TMEM170A: variants seen among roughly 807,000 people sequenced by gnomAD.
TMEM170A encodes transmembrane protein 170.
Under a neutral mutation model 12.8 loss-of-function variants are expected in TMEM170A, and 18 were observed. The observed-to-expected ratio is 1.41, with a 90% CI of 0.97 to 2.09. TMEM170A has a LOEUF of 2.09. TMEM170A is among the 30% of genes most tolerant of loss of function. TMEM170A has a pLI of 0.00. For synonymous variants in TMEM170A, 107 were observed against 76.2 expected, an observed-to-expected ratio of 1.40 and a Z score of -2.11; for missense variants, 220 against 179.9, an observed-to-expected ratio of 1.22 and a Z score of -1.28.
intron 1 of TMEM170A, among the ~76,000 whole-genome samples, chr16:75,454,612 GA>G: frequency 6.6e-6 from 1 of 152,224 alleles, no homozygotes; most frequent in South Asian, 2.1e-4. Context: ...TCCAGCCTGG[GA>G]GACAGAATGA....
intron 1 of TMEM170A, 111 bp from the exon 2 acceptor site, chr16:75,451,950 CT>C (rs533516780): frequency 3.5e-5 from 36 of 1,025,904 alleles, no homozygotes; most frequent in South Asian, 5.5e-5. Flanking sequence ...TTCTTTTTTC[CT>C]TTTTTTTGAA....
chr16:75,452,912 A>G (rs1401105897), intron 1 of TMEM170A, among the ~76,000 whole-genome samples: 1 of 152,118 alleles, frequency 6.6e-6, no homozygotes, highest in Admixed American at 6.6e-5. Flanking sequence ...AACCATTTAC[A>G]AGAGTTTTGC....
At position 75,445,264 on chromosome 16, in the gene TMEM170A, T is replaced by G. The variant is rs1463516360; in HGVS notation, c.*2294A>C. The G allele has an allele frequency of 6.6e-6, 1 of 152,236 alleles. No homozygotes were observed. The highest frequency in any genetic ancestry group is 1.5e-5 in the Non-Finnish European group (1 of 68,038). 9.4% of individuals were successfully genotyped at this position (152,236 alleles called of 1,614,324 possible). ...TGCATTACAACTCTACTTATAAGTT[T>G]CTGCCCGTGTATATGTCACTATAGT... On this transcript the variant is annotated 3_prime_UTR_variant, in exon 3 of 3. Coordinates refer to ENST00000561878, the MANE Select transcript of TMEM170A (RefSeq NM_145254.3).
intron 2 of TMEM170A, among the ~76,000 whole-genome samples, chr16:75,449,535 T>C (rs2079645468): frequency 6.6e-6 from 1 of 152,122 alleles, no homozygotes; most frequent in East Asian, 1.9e-4. Context: ...CCAAGGCTGG[T>C]TTTGAACTCT....
At chr16:75,449,448 G>A (rs756763552) in intron 2 of TMEM170A, among the ~76,000 whole-genome samples, 91 of 151,828 alleles carry the variant, frequency 6.0e-4, no homozygotes, top group Non-Finnish European at 1.2e-3. Flanking sequence ...CCGAGCAGCT[G>A]GGACTACAGG....
chr16:75,461,908 G>C (rs2079915602), intron 1 of TMEM170A, among the ~76,000 whole-genome samples: 1 of 152,188 alleles, frequency 6.6e-6, no homozygotes, highest in East Asian at 1.9e-4. Context: ...CATGGCTACA[G>C]ATTACCTACT....
At chr16:75,461,501 T>A (rs996207861) in intron 1 of TMEM170A, among the ~76,000 whole-genome samples, 1 of 152,176 alleles carries the variant, frequency 6.6e-6, no homozygotes, top group East Asian at 1.9e-4. Context: ...CCATAATGAG[T>A]TGGCATACAC....
chr16:75,456,095 G>T (rs868789984), intron 1 of TMEM170A, among the ~76,000 whole-genome samples: 12 of 152,158 alleles, frequency 7.9e-5, no homozygotes, highest in African/African-American at 2.7e-4. Flanking sequence ...GGAGATAGGG[G>T]TGGAGCCAAA....
chr16:75,460,368 G>C lies in TMEM170A; in HGVS notation c.133+4100C>G, dbSNP rs188242103. On this transcript the variant is annotated intron_variant, in intron 1 of 2. Transcript: ENST00000561878. ...TCCCATCTCTGTTCAAAATTCCCCAGTAGAGCCCTCCAGGATCTACCCTCC... is the reference window on the plus strand; with the variant it reads ...TCCCATCTCTGTTCAAAATTCCCCACTAGAGCCCTCCAGGATCTACCCTCC... Among the ~76,000 whole-genome samples the C allele has an allele frequency of 1.9e-4, 29 of 152,124 alleles. 1 individual carries two copies. In the South Asian group the frequency reaches 4.4e-3, roughly 23 times the overall value.
chr16:75,447,814 T>C lies in TMEM170A; in HGVS notation c.305-126A>G, dbSNP rs899640968. ...AGATTTTATACTGAAATTTAAATCT[T>C]ACAGAAATGTTAGGTTTTCCCTATT... On this transcript the variant is annotated intron_variant, in intron 2 of 2. Transcript: ENST00000561878. 92 of 1,137,166 alleles carry C rather than the reference T, an allele frequency of 8.1e-5. 1 individual carries two copies. In the African/African-American group the frequency reaches 1.1e-3, roughly 14 times the overall value. 70.4% of individuals were successfully genotyped at this position (1,137,166 alleles called of 1,614,324 possible).
chr16:75,458,394 C>G (rs1369970517), intron 1 of TMEM170A: 2 of 152,216 alleles, frequency 1.3e-5, no homozygotes, highest in Admixed American at 1.3e-4. Context: ...AAGTAAGGAT[C>G]TTCCAAAAGG....
At chr16:75,457,338 T>G (rs189949238) in intron 1 of TMEM170A, among the ~76,000 whole-genome samples, 18 of 152,322 alleles carry the variant, frequency 1.2e-4, no homozygotes, top group Non-Finnish European at 2.5e-4. Context: ...AGGTATGCCA[T>G]CCAAGTGCTA....
At chr16:75,451,174 ACT>A (rs2079674368) in intron 2 of TMEM170A, among the ~76,000 whole-genome samples, 1 of 152,152 alleles carries the variant, frequency 6.6e-6, no homozygotes, top group South Asian at 2.1e-4. Flanking sequence ...CCCTGAAGCC[ACT>A]GAGATGAAAT....
At chr16:75,455,549 G>T (rs2151639590) in intron 1 of TMEM170A, among the ~76,000 whole-genome samples, 1 of 152,150 alleles carries the variant, frequency 6.6e-6, no homozygotes, top group African/African-American at 2.4e-5. Context: ...TTATTAGATA[G>T]GCCAGGCATG....
In TMEM170A at chr16:75,464,479, C is replaced by A; in HGVS notation, c.122G>T (p.Cys41Phe). The A allele has an allele frequency of 6.5e-7, 1 of 1,549,072 alleles. No individual in the cohort carries two copies. Among genetic ancestry groups the A allele is most frequent in the South Asian group, 1.2e-5 (1 of 84,516 alleles). ...GGGGCGGGCCGTACCTGGGAAGGAG[C>A]AGAGGGAAGTAGAGTTGGGGCACAG... is the stretch of plus-strand genomic sequence containing the variant. Reference protein sequence around the residue: ...GTLCPNSTSLCSFPEMWYGVF... With the variant: ...GTLCPNSTSLFSFPEMWYGVF... The change falls in exon 1 of 3, where the codon TGC (cysteine) becomes TTC (phenylalanine). Residue 41 changes from cysteine to phenylalanine, a missense_variant. By Grantham distance (205) the Cys-to-Phe change is radical. Coordinates refer to ENST00000561878, the MANE Select transcript of TMEM170A (RefSeq NM_145254.3).
At chr16:75,464,179 A>G in intron 1 of TMEM170A, 2 of 1,489,184 alleles carry the variant, frequency 1.3e-6, no homozygotes, top group Non-Finnish European at 1.8e-6. Flanking sequence ...TCGGAAGCTC[A>G]AGGCCAAGAC....
At chr16:75,452,273 AATTTTT>A (rs2079703263) in intron 1 of TMEM170A, among the ~76,000 whole-genome samples, 2 of 148,856 alleles carry the variant, frequency 1.3e-5, no homozygotes, top group South Asian at 2.1e-4. Context: ...CCCAGTCAAA[AATTTTT>A]ATTTTTAAAG....
intron 1 of TMEM170A, among the ~76,000 whole-genome samples, chr16:75,455,352 G>A (rs1182541900): frequency 1.1e-4 from 2 of 18,550 alleles, no homozygotes; most frequent in Admixed American, 2.0e-3. Context: ...GCGAGACACT[G>A]TCTCAAAAAA....
intron 1 of TMEM170A, among the ~76,000 whole-genome samples, chr16:75,462,001 C>G (rs1226920504): frequency 6.6e-6 from 1 of 152,194 alleles, no homozygotes. Flanking sequence ...ACTCAACAGA[C>G]TATTCAGTTC....
Sources: allele counts gnomAD v4.1 joint callset (sites outside exome capture counted in the v4.1 genomes callset), GRCh38; gene constraint gnomAD v4.1.1; transcripts MANE v1.5; gene names NCBI Gene and HGNC (gene_info 2026-07-23, HGNC 2026-07-21).